Variants in NDUFS4 observed in about 807,000 individuals in gnomAD.
NDUFS4 encodes the protein NADH dehydrogenase [ubiquinone] iron-sulfur protein 4, mitochondrial.
Under a neutral mutation model 24.3 loss-of-function variants are expected in NDUFS4, and 28 were observed. The ratio of observed to expected loss-of-function variants is 1.15; its 90% confidence interval spans 0.85 to 1.58. The LOEUF (loss-of-function observed/expected upper bound fraction) is 1.58, where lower values mean the gene tolerates loss of function less well. Among genes scored for constraint, NDUFS4 ranks in the 40% most tolerant of loss-of-function variants. The pLI is 0.00. For synonymous variants in NDUFS4, 93 were observed against 69.7 expected, an observed-to-expected ratio of 1.34 and a Z score of -1.67; for missense variants, 223 against 207.9, an observed-to-expected ratio of 1.07 and a Z score of -0.45.
intron 2 of NDUFS4, among the ~76,000 whole-genome samples, chr5:53,635,901 T>G (rs966541820): frequency 2.6e-5 from 4 of 151,354 alleles, no homozygotes; most frequent in African/African-American, 9.7e-5. Flanking sequence ...AAATAGTTTC[T>G]TAGTAGACTT....
At chr5:53,661,796 C>CTGTA (rs143103586) in intron 4 of NDUFS4, among the ~76,000 whole-genome samples, 2 of 7,902 alleles carry the variant, frequency 2.5e-4, no homozygotes, top group African/African-American at 1.6e-3. Context: ...CATGATTTGG[C>CTGTA]TGTCTGTTAG....
Position 53,612,916 on chromosome 5 carries a change from G to A in NDUFS4, c.177+9386G>A, listed in dbSNP as rs192663639. Reference sequence around the variant, plus strand: ...AAGTCTTCGAAAATAAAACAACTACGTTTGCTGTACAAGTATTTGTTGGTT... The same window carrying A: ...AAGTCTTCGAAAATAAAACAACTACATTTGCTGTACAAGTATTTGTTGGTT... On this transcript the variant is annotated intron_variant, in intron 2 of 4. Transcript: ENST00000296684. 7.0e-4 allele frequency among the ~76,000 whole-genome samples: 107 copies of A among 152,108 alleles called. 1 individual carries two copies. Among genetic ancestry groups the A allele is most frequent in the African/African-American group, 2.4e-3 (99 of 41,530 alleles).
intron 1 of NDUFS4, among the ~76,000 whole-genome samples, chr5:53,585,154 C>T (rs1205324039): frequency 6.6e-6 from 1 of 152,112 alleles, no homozygotes; most frequent in Non-Finnish European, 1.5e-5. Context: ...GGTTTTGTGT[C>T]TCGTTTTCTT....
chr5:53,646,177 C>A (rs1751856157), intron 2 of NDUFS4, 56 bp from the exon 3 acceptor site: 1 of 1,360,484 alleles, frequency 7.4e-7, no homozygotes, highest in Non-Finnish European at 1.0e-6. Context: ...AACAAAAGTA[C>A]ATTAGTGTGT....
intron 1 of NDUFS4, among the ~76,000 whole-genome samples, chr5:53,578,550 T>G (rs1360156314): frequency 1.3e-5 from 2 of 152,200 alleles, no homozygotes; most frequent in African/African-American, 4.8e-5. Flanking sequence ...TACCTACATT[T>G]GAGTTCCTGG....
intron 1 of NDUFS4, among the ~76,000 whole-genome samples, chr5:53,600,543 A>G (rs945612109): frequency 6.6e-5 from 10 of 152,288 alleles, no homozygotes; most frequent in Admixed American, 5.2e-4. Context: ...TCCTGACCTC[A>G]GGTGATCCAC....
chr5:53,594,466 T>A (rs549941595), intron 1 of NDUFS4, among the ~76,000 whole-genome samples: 1 of 152,140 alleles, frequency 6.6e-6, no homozygotes, highest in Non-Finnish European at 1.5e-5. Context: ...TTGTGTCTTA[T>A]TTTTTAATCT....
intron 2 of NDUFS4, among the ~76,000 whole-genome samples, chr5:53,629,578 A>G (rs1220153435): frequency 6.6e-6 from 1 of 152,144 alleles, no homozygotes; most frequent in Non-Finnish European, 1.5e-5. Context: ...TTGTGTGCAT[A>G]TACGTTTAGG....
At chr5:53,668,884 A>G (rs1027072291) in intron 4 of NDUFS4, among the ~76,000 whole-genome samples, 3 of 152,146 alleles carry the variant, frequency 2.0e-5, no homozygotes, top group African/African-American at 7.2e-5. Flanking sequence ...TTTCATTCTC[A>G]TTTAGTAACT....
intron 2 of NDUFS4, among the ~76,000 whole-genome samples, chr5:53,614,722 CTG>C (rs1451544680): frequency 6.6e-6 from 1 of 151,964 alleles, no homozygotes; most frequent in Non-Finnish European, 1.5e-5. Context: ...AGCAGAGTAA[CTG>C]TGTCAGTTCT....
chr5:53,674,116 G>A (rs879646428), intron 4 of NDUFS4, among the ~76,000 whole-genome samples: 1 of 152,118 alleles, frequency 6.6e-6, no homozygotes, highest in Non-Finnish European at 1.5e-5. Flanking sequence ...GATACAGGAC[G>A]CTTTAGAAAT....
chr5:53,662,436 G>T (rs1219377902), intron 4 of NDUFS4, among the ~76,000 whole-genome samples: 31 of 152,162 alleles, frequency 2.0e-4, no homozygotes, highest in Non-Finnish European at 3.8e-4. Context: ...GTTCATCAGG[G>T]ATATTGGTCT....
chr5:53,679,345 T>TTTTG (rs1396574984), intron 4 of NDUFS4, among the ~76,000 whole-genome samples: 1 of 151,926 alleles, frequency 6.6e-6, no homozygotes, highest in Non-Finnish European at 1.5e-5. Context: ...CTCTGTGTAT[T>TTTTG]TTTGTTTGTT....
intron 1 of NDUFS4, among the ~76,000 whole-genome samples, chr5:53,583,905 A>G (rs1026276955): frequency 2.6e-5 from 4 of 152,212 alleles, no homozygotes; most frequent in South Asian, 4.1e-4. Context: ...ACTGCACATA[A>G]TAAGTACAAA....
chr5:53,588,851 A>AT (rs1280658328), intron 1 of NDUFS4, among the ~76,000 whole-genome samples: 1 of 152,040 alleles, frequency 6.6e-6, no homozygotes, highest in East Asian at 1.9e-4. Flanking sequence ...TTTTTAATAT[A>AT]TTTTTTATAC....
chr5:53,575,799 C>G (rs1749367094), intron 1 of NDUFS4, among the ~76,000 whole-genome samples: 1 of 152,042 alleles, frequency 6.6e-6, no homozygotes, highest in Non-Finnish European at 1.5e-5. Context: ...GCCTCTGTCT[C>G]CCAAAGTGCT....
At chr5:53,614,900 CAT>C (rs1002907883) in intron 2 of NDUFS4, among the ~76,000 whole-genome samples, 1 of 151,864 alleles carries the variant, frequency 6.6e-6, no homozygotes, top group African/African-American at 2.4e-5. Context: ...GGTTTTTTGT[CAT>C]ATTCTAGAGA....
intron 2 of NDUFS4, among the ~76,000 whole-genome samples, chr5:53,637,934 A>C (rs1751604943): frequency 6.6e-6 from 1 of 152,184 alleles, no homozygotes; most frequent in Non-Finnish European, 1.5e-5. Flanking sequence ...TTGAGAGAAG[A>C]ATCAAAATAT....
chr5:53,628,842 TA>T (rs1457811789), intron 2 of NDUFS4, among the ~76,000 whole-genome samples: 1 of 152,182 alleles, frequency 6.6e-6, no homozygotes, highest in Non-Finnish European at 1.5e-5. Context: ...TTCATTGATT[TA>T]TTTTTTTGAA....
Sources: allele counts gnomAD v4.1 joint callset (sites outside exome capture counted in the v4.1 genomes callset), GRCh38; gene constraint gnomAD v4.1.1; transcripts MANE v1.5; gene names NCBI Gene and HGNC (gene_info 2026-07-23, HGNC 2026-07-21).